COX6C: variants seen among roughly 807,000 people sequenced by gnomAD.
COX6C encodes the protein cytochrome c oxidase subunit 6C, also known as cytochrome c oxidase polypeptide VIc.
A neutral mutation model predicts 6.9 loss-of-function variants in COX6C; 3 were observed. That is an observed-to-expected ratio of 0.43 (90% CI 0.20 to 1.12). The LOEUF (loss-of-function observed/expected upper bound fraction) is 1.12, where lower values mean the gene tolerates loss of function less well. Ranked by LOEUF, COX6C falls within the 50% of genes most tolerant of loss-of-function variation. The pLI is 0.27. For synonymous variants in COX6C, 32 were observed against 32.0 expected (o/e 1.00, Z 0.00); for missense variants, 101 against 97.3 (o/e 1.04, Z -0.16).
chr8:99,878,634 T>C (rs1817793099), intron 3 of COX6C: 1 of 151,768 alleles, frequency 6.6e-6, no homozygotes, highest in Non-Finnish European at 1.5e-5. Context: ...AGCCATATTT[T>C]TGTTCCTGTC....
chr8:99,887,682 A>G, intron 2 of COX6C, 64 bp from the exon 3 acceptor site: 1 of 1,123,570 alleles, frequency 8.9e-7, no homozygotes, highest in Non-Finnish European at 1.3e-6. Context: ...TCCAGATTAT[A>G]ATATATAAAG....
chr8:99,883,181 T>A (rs1034843924), intron 3 of COX6C, among the ~76,000 whole-genome samples: 1 of 151,968 alleles, frequency 6.6e-6, no homozygotes, highest in African/African-American at 2.4e-5. Context: ...GCCAAAAACT[T>A]CAAAAAACAA....
intron 1 of COX6C, among the ~76,000 whole-genome samples, chr8:99,892,537 TAATA>T (rs781351967): frequency 2.4e-4 from 36 of 151,896 alleles, no homozygotes; most frequent in Non-Finnish European, 4.7e-4. Context: ...TCGGGTAAAA[TAATA>T]AAAGAAAAAC....
At chr8:99,886,285 G>A (rs1168804046) in intron 3 of COX6C, 1 of 152,272 alleles carries the variant, frequency 6.6e-6, no homozygotes, top group Non-Finnish European at 1.5e-5. Context: ...AGCTTCTTGG[G>A]AGGCTGAGGC....
intron 3 of COX6C, among the ~76,000 whole-genome samples, chr8:99,885,545 ACC>A (rs537742690): frequency 2.0e-4 from 31 of 152,324 alleles, no homozygotes; most frequent in African/African-American, 6.7e-4. Context: ...AGGTACCAAG[ACC>A]ACTCCATGGA....
At chr8:99,892,948 G>C (rs1818077596) in intron 1 of COX6C, 1 of 152,220 alleles carries the variant, frequency 6.6e-6, no homozygotes, top group Non-Finnish European at 1.5e-5. Context: ...ATTAAAACCT[G>C]GACGGGAACG....
chr8:99,880,032 T>C (rs1817837357), intron 3 of COX6C, among the ~76,000 whole-genome samples: 3 of 152,084 alleles, frequency 2.0e-5, no homozygotes, highest in South Asian at 4.1e-4. Flanking sequence ...AAGGCAGCTG[T>C]GTATAGGAGG....
rs1429854953 is a variant in COX6C at position 99,879,858 on chromosome 8, G to T, written c.*16-1593C>A. Among the ~76,000 whole-genome samples, 3 of 152,214 alleles carry T rather than the reference G, an allele frequency of 2.0e-5. No individual in the cohort carries two copies. The East Asian group carries it at 5.8e-4, about 29-fold the overall frequency. On this transcript the variant is annotated intron_variant, in intron 3 of 3. Transcript: ENST00000520468. The stretch of plus-strand genomic sequence containing the variant: ...ATGGCATAGTTTGGATAGGAGGTTG[G>T]AAAGAGCTGAAAGCAATGATGGGTA...
chr8:99,880,498 C>G (rs568846687), intron 3 of COX6C, among the ~76,000 whole-genome samples: 1 of 151,944 alleles, frequency 6.6e-6, no homozygotes, highest in African/African-American at 2.4e-5. Context: ...GAGAAGGGGT[C>G]GGAATCACTA....
intron 2 of COX6C, among the ~76,000 whole-genome samples, chr8:99,888,844 T>C (rs1188341355): frequency 2.0e-5 from 3 of 152,140 alleles, no homozygotes; most frequent in African/African-American, 4.8e-5. Context: ...ACAGGCACAC[T>C]GGGGGAACAG....
At chr8:99,889,064 C>T (rs919051134) in intron 2 of COX6C, among the ~76,000 whole-genome samples, 3 of 152,202 alleles carry the variant, frequency 2.0e-5, no homozygotes, top group African/African-American at 7.2e-5. Context: ...CTAATTCCTC[C>T]TGGTCATGAC....
chr8:99,886,867 G>A (rs1422427492), intron 3 of COX6C, among the ~76,000 whole-genome samples: 1 of 152,180 alleles, frequency 6.6e-6, no homozygotes, highest in Admixed American at 6.5e-5. Flanking sequence ...GTTGCTTAAT[G>A]GATATAGGGT....
At chr8:99,887,721 C>A in intron 2 of COX6C, 103 bp from the exon 3 acceptor site, 1 of 714,654 alleles carries the variant, frequency 1.4e-6, no homozygotes, top group Non-Finnish European at 2.1e-6. Context: ...TTTTGTTCAC[C>A]CTTTAATTTA....
At chr8:99,879,566 T>G (rs765664213) in intron 3 of COX6C, among the ~76,000 whole-genome samples, 36 of 152,178 alleles carry the variant, frequency 2.4e-4, no homozygotes, top group Non-Finnish European at 5.0e-4. Context: ...TTTAGCTTTA[T>G]GAGAACTCTA....
chr8:99,883,698 T>C (rs1817903208), intron 3 of COX6C, among the ~76,000 whole-genome samples: 1 of 152,124 alleles, frequency 6.6e-6, no homozygotes, highest in African/African-American at 2.4e-5. Flanking sequence ...AGCATTATCC[T>C]GATATCAAAG....
chr8:99,882,750 TAAAC>T (rs71274941), intron 3 of COX6C, among the ~76,000 whole-genome samples: 36,864 of 151,902 alleles, frequency 0.24, 5,518 homozygotes, highest in African/African-American at 0.43. Flanking sequence ...CAATTATATG[TAAAC>T]AAACTGGATG....
chr8:99,880,389 TAAAC>T (rs1817843574), intron 3 of COX6C, among the ~76,000 whole-genome samples: 1 of 152,090 alleles, frequency 6.6e-6, no homozygotes, highest in Non-Finnish European at 1.5e-5. Flanking sequence ...CAAAATTAGA[TAAAC>T]AATATATAAA....
chr8:99,891,644 G>A (rs1334017030), intron 2 of COX6C, among the ~76,000 whole-genome samples: 1 of 152,176 alleles, frequency 6.6e-6, no homozygotes. Context: ...GGCCTCAGAA[G>A]ATATCAACCC....
intron 1 of COX6C, among the ~76,000 whole-genome samples, chr8:99,892,528 C>A (rs1328841567): frequency 2.0e-5 from 3 of 151,956 alleles, no homozygotes; most frequent in African/African-American, 7.3e-5. Context: ...TTCCCTTTCT[C>A]GGGTAAAATA....
Sources: allele counts gnomAD v4.1 joint callset (sites outside exome capture counted in the v4.1 genomes callset), GRCh38; gene constraint gnomAD v4.1.1; transcripts MANE v1.5; gene names NCBI Gene and HGNC (gene_info 2026-07-23, HGNC 2026-07-21).